Variants in CAMKMT observed in about 807,000 individuals in gnomAD.
CAMKMT encodes CaM KMT.
In CAMKMT, 53 loss-of-function variants were observed where a neutral mutation model predicts 48.0. The observed-to-expected ratio is 1.10, with a 90% CI of 0.89 to 1.39. The LOEUF is 1.39. CAMKMT is among the 40% of genes most tolerant of loss of function. The pLI is 0.00. For synonymous variants in CAMKMT, 165 were observed against 152.3 expected, an observed-to-expected ratio of 1.08 and a Z score of -0.61; for missense variants, 428 against 402.7, an observed-to-expected ratio of 1.06 and a Z score of -0.54.
intron 3 of CAMKMT, among the ~76,000 whole-genome samples, chr2:44,586,960 G>A (rs1344770589): frequency 1.3e-5 from 2 of 152,128 alleles, no homozygotes. Context: ...ACACTTGGTT[G>A]GTGAGTCCTT....
intron 6 of CAMKMT, among the ~76,000 whole-genome samples, chr2:44,714,503 A>G (rs1285394624): frequency 1.3e-5 from 2 of 152,172 alleles, no homozygotes; most frequent in Non-Finnish European, 2.9e-5. Flanking sequence ...TTCTTCAGTA[A>G]TTCATTTTCT....
At chr2:44,456,581 G>A (rs193086864) in intron 3 of CAMKMT, 2 of 1,549,554 alleles carry the variant, frequency 1.3e-6, no homozygotes, top group East Asian at 4.9e-5. Context: ...AAGCAACCAG[G>A]GGAAAATGAA....
At chr2:44,742,615 G>A (rs1679740564) in intron 7 of CAMKMT, among the ~76,000 whole-genome samples, 1 of 152,072 alleles carries the variant, frequency 6.6e-6, no homozygotes, top group South Asian at 2.1e-4. Flanking sequence ...TATTTTTGTG[G>A]TGATGTCTTT....
At chr2:44,639,813 A>G (rs1188675050) in intron 3 of CAMKMT, among the ~76,000 whole-genome samples, 2 of 152,224 alleles carry the variant, frequency 1.3e-5, no homozygotes, top group Non-Finnish European at 1.5e-5. Context: ...CTTTGGAAAT[A>G]CAAGCTAATT....
At chr2:44,400,928 GTGTA>G (rs1300487270) in intron 3 of CAMKMT, 1,999 of 74,056 alleles carry the variant, frequency 0.027, 129 homozygotes, top group East Asian at 0.21. Context: ...ACTTATGTGT[GTGTA>G]TATATATATA....
intron 2 of CAMKMT, among the ~76,000 whole-genome samples, chr2:44,389,020 A>G (rs934606422): frequency 6.6e-6 from 1 of 152,102 alleles, no homozygotes; most frequent in African/African-American, 2.4e-5. Flanking sequence ...GAGAGCATCA[A>G]CTGTAGTAAT....
intron 3 of CAMKMT, among the ~76,000 whole-genome samples, chr2:44,595,031 G>A (rs1254381963): frequency 2.0e-5 from 3 of 152,314 alleles, no homozygotes; most frequent in Admixed American, 6.5e-5. Flanking sequence ...AGACGTTTAT[G>A]CAGCCAGCAA....
chr2:44,514,339 G>C (rs1670729523), intron 3 of CAMKMT, among the ~76,000 whole-genome samples: 2 of 127,538 alleles, frequency 1.6e-5, no homozygotes, highest in Non-Finnish European at 3.4e-5. Flanking sequence ...TGACTAGATA[G>C]AGAGGCTGAT....
intron 3 of CAMKMT, among the ~76,000 whole-genome samples, chr2:44,599,208 C>G (rs865779258): frequency 6.6e-6 from 1 of 152,088 alleles, no homozygotes; most frequent in African/African-American, 2.4e-5. Flanking sequence ...TTAGAAATTT[C>G]TGTTTTCCAT....
intron 3 of CAMKMT, among the ~76,000 whole-genome samples, chr2:44,514,854 A>G (rs1463191083): frequency 2.0e-5 from 3 of 152,248 alleles, no homozygotes; most frequent in African/African-American, 4.8e-5. Flanking sequence ...ATATTTTAAG[A>G]TAAGTATATA....
intron 3 of CAMKMT, among the ~76,000 whole-genome samples, chr2:44,582,381 C>T (rs1558719913): frequency 6.6e-6 from 1 of 152,174 alleles, no homozygotes; most frequent in Non-Finnish European, 1.5e-5. Flanking sequence ...TTCAAATTCC[C>T]AAATAGTAAA....
intron 3 of CAMKMT, among the ~76,000 whole-genome samples, chr2:44,661,199 T>C (rs1674661465): frequency 6.6e-6 from 1 of 152,190 alleles, no homozygotes; most frequent in Non-Finnish European, 1.5e-5. Context: ...TTGCCTAATT[T>C]ACAGAGTGGC....
intron 1 of CAMKMT, among the ~76,000 whole-genome samples, chr2:44,365,183 C>G (rs1379061469): frequency 6.6e-6 from 1 of 152,258 alleles, no homozygotes; most frequent in South Asian, 2.1e-4. Flanking sequence ...GCTCGTGGGA[C>G]ATCTGAAGAA....
intron 3 of CAMKMT, among the ~76,000 whole-genome samples, chr2:44,458,042 C>CTTTTTTTTTT (rs541348745): frequency 1.3e-5 from 1 of 75,396 alleles, no homozygotes; most frequent in African/African-American, 5.6e-5. Context: ...AGCTTTGTGA[C>CTTTTTTTTTT]TTTTTTTTTT....
intron 7 of CAMKMT, among the ~76,000 whole-genome samples, chr2:44,739,235 A>T (rs1679529065): frequency 6.6e-6 from 1 of 152,220 alleles, no homozygotes. Context: ...GAGACCAATT[A>T]GGGAGCTATG....
intron 3 of CAMKMT, among the ~76,000 whole-genome samples, chr2:44,578,064 C>G (rs903352460): frequency 6.6e-6 from 1 of 152,170 alleles, no homozygotes; most frequent in Non-Finnish European, 1.5e-5. Flanking sequence ...GTATGCTTTT[C>G]TCTTGTAAAT....
intron 1 of CAMKMT, among the ~76,000 whole-genome samples, chr2:44,370,584 T>G (rs1323232164): frequency 6.6e-6 from 1 of 152,158 alleles, no homozygotes; most frequent in Non-Finnish European, 1.5e-5. Flanking sequence ...TATCAATCTT[T>G]TCAAAGAAAC....
At chr2:44,549,042 A>G (rs961991169) in intron 3 of CAMKMT, among the ~76,000 whole-genome samples, 1 of 152,234 alleles carries the variant, frequency 6.6e-6, no homozygotes, top group Non-Finnish European at 1.5e-5. Context: ...CATCTTGTTT[A>G]CATCTTGCCT....
At chr2:44,660,126 A>G (rs1035720610) in intron 3 of CAMKMT, among the ~76,000 whole-genome samples, 32 of 152,348 alleles carry the variant, frequency 2.1e-4, no homozygotes, top group African/African-American at 7.5e-4. Context: ...ATATTTTCCA[A>G]AACAACAATA....
Sources: allele counts gnomAD v4.1 joint callset (sites outside exome capture counted in the v4.1 genomes callset), GRCh38; gene constraint gnomAD v4.1.1; transcripts MANE v1.5; gene names NCBI Gene and HGNC (gene_info 2026-07-23, HGNC 2026-07-21).